Variants in TBL1XR1 observed in about 807,000 individuals in gnomAD.
The protein encoded by TBL1XR1 is F-box-like/WD repeat-containing protein TBL1XR1.
TBL1XR1 carries 5 observed loss-of-function variants against 66.9 expected under a neutral mutation model. That is an observed-to-expected ratio of 0.07 (90% CI 0.04 to 0.16). The LOEUF (loss-of-function observed/expected upper bound fraction) is 0.16, where lower values mean the gene tolerates loss of function less well. Among genes scored for constraint, TBL1XR1 ranks in the 10% least tolerant of loss-of-function variants. The probability of loss-of-function intolerance (pLI) is 1.00; values close to 1 mark genes in which losing one functional copy is unlikely to be tolerated. For synonymous variants in TBL1XR1, 210 were observed against 206.0 expected, an observed-to-expected ratio of 1.02 and a Z score of -0.17; for missense variants, 238 against 623.2, an observed-to-expected ratio of 0.38 and a Z score of 6.58.
intron 2 of TBL1XR1, among the ~76,000 whole-genome samples, chr3:177,094,294 G>A (rs1723188948): frequency 6.6e-6 from 1 of 152,196 alleles, no homozygotes; most frequent in African/African-American, 2.4e-5. Flanking sequence ...ACTCCTGCAA[G>A]AATGGCTGTA....
chr3:177,179,929 G>C (rs140585460), intron 1 of TBL1XR1, among the ~76,000 whole-genome samples: 370 of 152,230 alleles, frequency 2.4e-3, no homozygotes, highest in Non-Finnish European at 4.6e-3. Context: ...AAGTAGAGAA[G>C]CAACAAATTA....
intron 1 of TBL1XR1, among the ~76,000 whole-genome samples, chr3:177,189,171 G>A (rs1290750835): frequency 3.3e-5 from 5 of 151,282 alleles, no homozygotes; most frequent in African/African-American, 1.2e-4. Context: ...TCATGCCACT[G>A]CACTCCAGCT....
At chr3:177,192,322 G>A (rs1165553607) in intron 1 of TBL1XR1, among the ~76,000 whole-genome samples, 1 of 151,090 alleles carries the variant, frequency 6.6e-6, no homozygotes, top group Non-Finnish European at 1.5e-5. Flanking sequence ...GCGCGAGGTT[G>A]CAGTAAGAGG....
intron 1 of TBL1XR1, among the ~76,000 whole-genome samples, chr3:177,184,384 T>C (rs927130478): frequency 1.3e-5 from 2 of 152,210 alleles, no homozygotes; most frequent in Non-Finnish European, 2.9e-5. Flanking sequence ...ATTCACCTAA[T>C]GTCCAAACCC....
chr3:177,185,308 G>C (rs1024896305), intron 1 of TBL1XR1, among the ~76,000 whole-genome samples: 1 of 152,062 alleles, frequency 6.6e-6, no homozygotes, highest in African/African-American at 2.4e-5. Flanking sequence ...TACCCCTTAA[G>C]TTAAAATAGC....
At chr3:177,121,947 A>T (rs1727023342) in intron 1 of TBL1XR1, among the ~76,000 whole-genome samples, 1 of 152,190 alleles carries the variant, frequency 6.6e-6, no homozygotes, top group African/African-American at 2.4e-5. Context: ...AATGGGATTG[A>T]AAGAATCACA....
intron 1 of TBL1XR1, among the ~76,000 whole-genome samples, chr3:177,132,273 G>C (rs1277578625): frequency 1.3e-5 from 2 of 152,156 alleles, no homozygotes; most frequent in African/African-American, 4.8e-5. Flanking sequence ...GTTCCAAGGT[G>C]TTCTCTGCGC....
At chr3:177,096,774 T>G (rs1723548308) in intron 2 of TBL1XR1, among the ~76,000 whole-genome samples, 1 of 152,182 alleles carries the variant, frequency 6.6e-6, no homozygotes, top group Non-Finnish European at 1.5e-5. Flanking sequence ...ATCTAGTGGT[T>G]AATGAGTTGC....
intron 1 of TBL1XR1, among the ~76,000 whole-genome samples, chr3:177,137,631 C>CT (rs1300096667): frequency 6.6e-6 from 1 of 152,176 alleles, no homozygotes; most frequent in Non-Finnish European, 1.5e-5. Flanking sequence ...ACTGCTCCTC[C>CT]TTCCCAAGGC....
chr3:177,155,729 G>A (rs1731409938), intron 1 of TBL1XR1, among the ~76,000 whole-genome samples: 1 of 152,140 alleles, frequency 6.6e-6, no homozygotes, highest in Non-Finnish European at 1.5e-5. Context: ...AATTATATCA[G>A]TTTTGGTCGG....
At chr3:177,189,865 G>A (rs1034229945) in intron 1 of TBL1XR1, among the ~76,000 whole-genome samples, 2 of 151,960 alleles carry the variant, frequency 1.3e-5, no homozygotes, top group African/African-American at 2.4e-5. Flanking sequence ...TGGCTCAAAT[G>A]AAACTCCAGT....
At chr3:177,045,740 T>C (rs1019817652) in intron 10 of TBL1XR1, among the ~76,000 whole-genome samples, 9 of 152,146 alleles carry the variant, frequency 5.9e-5, no homozygotes, top group African/African-American at 1.9e-4. Context: ...CAGGTATTAT[T>C]ATTATTATTA....
At chr3:177,161,016 T>C (rs1441434695) in intron 1 of TBL1XR1, 1 of 151,270 alleles carries the variant, frequency 6.6e-6, no homozygotes, top group Non-Finnish European at 1.5e-5. Flanking sequence ...AAAATAAAGA[T>C]CTAAAACATT....
intron 1 of TBL1XR1, among the ~76,000 whole-genome samples, chr3:177,139,505 AG>A (rs1252770103): frequency 2.9e-4 from 44 of 151,046 alleles, no homozygotes; most frequent in African/African-American, 1.0e-3. Context: ...ACTGTACTCC[AG>A]CCTGGGTGAC....
intron 2 of TBL1XR1, 47 bp downstream of exon 2, chr3:177,098,419 A>C (rs777798288): frequency 2.1e-5 from 20 of 957,450 alleles, no homozygotes; most frequent in Non-Finnish European, 2.5e-5. Flanking sequence ...AAGATTCTAA[A>C]AACAAGAGAA....
At chr3:177,185,328 G>A (rs777970053) in intron 1 of TBL1XR1, among the ~76,000 whole-genome samples, 18 of 152,216 alleles carry the variant, frequency 1.2e-4, no homozygotes, top group Non-Finnish European at 2.4e-4. Flanking sequence ...CAGCCAACCG[G>A]CCAGGGGCAG....
At chr3:177,190,578 A>G (rs1181791754) in intron 1 of TBL1XR1, among the ~76,000 whole-genome samples, 1 of 152,158 alleles carries the variant, frequency 6.6e-6, no homozygotes, top group Admixed American at 6.5e-5. Flanking sequence ...TGGGCCTCCC[A>G]AAGTGCAGAG....
chr3:177,073,263 T>C (rs182640227), intron 2 of TBL1XR1, among the ~76,000 whole-genome samples: 51 of 152,300 alleles, frequency 3.3e-4, no homozygotes, highest in Non-Finnish European at 1.6e-4. Flanking sequence ...ACAAATATTT[T>C]TGTCAAAGAG....
At chr3:177,062,854 C>T (rs1051679717) in intron 3 of TBL1XR1, among the ~76,000 whole-genome samples, 1 of 151,884 alleles carries the variant, frequency 6.6e-6, no homozygotes, top group African/African-American at 2.4e-5. Flanking sequence ...TTTAAGAAGA[C>T]TTTTGGGCCG....
Sources: gnomAD v4.1 joint callset for allele counts (sites outside exome capture counted in the v4.1 genomes callset) on GRCh38, gnomAD v4.1.1 for gene constraint, MANE v1.5 for transcripts, NCBI Gene and HGNC (gene_info 2026-07-23, HGNC 2026-07-21) for gene names.